CNOT6: variants seen among roughly 807,000 people sequenced by gnomAD.
The protein encoded by CNOT6 is carbon catabolite repression 4 protein.
In CNOT6, 12 loss-of-function variants were observed where a neutral mutation model predicts 61.2. The observed-to-expected ratio is 0.20, with a 90% CI of 0.13 to 0.32. The LOEUF (loss-of-function observed/expected upper bound fraction) is 0.32, where lower values mean the gene tolerates loss of function less well. Among genes scored for constraint, CNOT6 ranks in the 10% least tolerant of loss-of-function variants. The pLI is 1.00. For missense variants in CNOT6, 405 were observed against 663.9 expected, an observed-to-expected ratio of 0.61 and a Z score of 4.28; for synonymous variants, 225 against 240.6, an observed-to-expected ratio of 0.94 and a Z score of 0.60.
rs10479472 is a variant in CNOT6 at position 180,564,886 on chromosome 5, C to A, written c.559+143C>A. ...GTTTGGGAGGTAATAAAAAAGAATT[C>A]TTGCTCACATGACCTCTATGTATAC... On this transcript the variant is annotated intron_variant, in intron 6 of 11. Coordinates refer to ENST00000261951, the MANE Select transcript of CNOT6 (RefSeq NM_001370472.1). The A allele has an allele frequency of 3.5e-3, 2,258 of 652,906 alleles. 44 individuals are homozygous for A. The African/African-American group carries it at 0.038, about 11-fold the overall frequency. The allele number at this position is 652,906 out of a possible 1,614,324, so 40.4% of individuals were successfully genotyped here. A position where few individuals can be genotyped will look rare whatever the true frequency, so the allele number is the denominator to read the frequency against.
At position 180,508,576 on chromosome 5, in the gene CNOT6, C is replaced by T. The variant is rs575843370; in HGVS notation, c.-3+13813C>T. Among the ~76,000 whole-genome samples, 47 of 152,196 alleles carry T rather than the reference C, an allele frequency of 3.1e-4. No homozygotes were observed. In the South Asian group the frequency reaches 4.4e-3, roughly 14 times the overall value. On this transcript the variant is annotated intron_variant, in intron 1 of 11. Transcript: ENST00000261951. ...CCACCTGCCTCAGCCTCCCAAAGTG[C>T]TGGGATTACAGGTGTGAGCTACCAC...
At chr5:180,512,683 A>G (rs576308065) in intron 1 of CNOT6, among the ~76,000 whole-genome samples, 16 of 150,722 alleles carry the variant, frequency 1.1e-4, no homozygotes, top group Middle Eastern at 3.4e-3. Flanking sequence ...TGCAGCCTCC[A>G]CCTCCCAGGT....
chr5:180,574,312 A>T lies in CNOT6; in HGVS notation c.*112A>T. On this transcript the variant is annotated 3_prime_UTR_variant, in exon 12 of 12. Coordinates refer to ENST00000261951, the MANE Select transcript of CNOT6 (RefSeq NM_001370472.1). Reference sequence around the variant, plus strand: ...TTTTGCTTGCTTAAGAATGATTTGGACTTTCAATCTGATTATTTGATAAGG... The same window carrying T: ...TTTTGCTTGCTTAAGAATGATTTGGTCTTTCAATCTGATTATTTGATAAGG... The T allele has an allele frequency of 1.2e-6, 1 of 845,682 alleles. No individual in the cohort carries two copies. 52.4% of individuals were successfully genotyped at this position (845,682 alleles called of 1,614,324 possible).
At chr5:180,527,063 T>C (rs1270249231) in intron 1 of CNOT6, among the ~76,000 whole-genome samples, 1 of 151,920 alleles carries the variant, frequency 6.6e-6, no homozygotes, top group Non-Finnish European at 1.5e-5. Flanking sequence ...ATTTTTTTGG[T>C]AAGAGATGGG....
chr5:180,560,017 C>T (rs1215312699), intron 4 of CNOT6, among the ~76,000 whole-genome samples: 6 of 150,460 alleles, frequency 4.0e-5, no homozygotes, highest in East Asian at 3.9e-4. Flanking sequence ...GGCGCGATCT[C>T]GGCTCACTGC....
intron 11 of CNOT6, 130 bp from the exon 12 acceptor site, chr5:180,573,858 T>A: frequency 4.5e-6 from 3 of 667,768 alleles, no homozygotes; most frequent in Non-Finnish European, 8.0e-6. Context: ...ACAGACCTCA[T>A]CCTACAAGCT....
intron 1 of CNOT6, among the ~76,000 whole-genome samples, chr5:180,515,386 C>G (rs978831623): frequency 6.6e-6 from 1 of 152,140 alleles, no homozygotes; most frequent in Non-Finnish European, 1.5e-5. Context: ...AGTCTTAGAA[C>G]TAGGTTTCCT....
chr5:180,574,162 C>T lies in CNOT6; in HGVS notation c.1636C>T (p.Pro546Ser). Residue 546 changes from proline (P) to serine (S), a missense_variant, in exon 12 of 12, where the codon CCC becomes TCC. By Grantham distance (74) the Pro-to-Ser change is moderately conservative. Coordinates refer to ENST00000261951, the MANE Select transcript of CNOT6 (RefSeq NM_001370472.1). ...AQLELLLPFL[P>S]QVNGIHLPGR... ...ACTGGAGCTCTTACTGCCTTTCCTG[C>T]CCCAAGTCAACGGCATCCACCTTCC... The T allele has an allele frequency of 1.9e-6, 3 of 1,614,144 alleles. No homozygotes were observed. The highest frequency in any genetic ancestry group is 2.5e-6 in the Non-Finnish European group (3 of 1,180,022).
At chr5:180,518,243 T>G (rs1438513695) in intron 1 of CNOT6, among the ~76,000 whole-genome samples, 2 of 152,194 alleles carry the variant, frequency 1.3e-5, no homozygotes, top group East Asian at 3.9e-4. Context: ...TTCTGTATCA[T>G]GTTGACATGA....
Position 180,575,258 on chromosome 5 carries a change from G to A in CNOT6, c.*1058G>A, listed in dbSNP as rs1378029354. 1 of 152,000 alleles carries A rather than the reference G, an allele frequency of 6.6e-6. No homozygotes were observed. Among genetic ancestry groups the A allele is most frequent in the Admixed American group, 6.6e-5 (1 of 15,206 alleles). The allele number at this position is 152,000 out of a possible 1,614,324, so 9.4% of individuals were successfully genotyped here. ...GTGAGAATTTTATGAAAATGCTTTT[G>A]TATGAGCTGTGGCTTTTTCCCATTG... On this transcript the variant is annotated 3_prime_UTR_variant, in exon 12 of 12. Coordinates refer to ENST00000261951, the MANE Select transcript of CNOT6 (RefSeq NM_001370472.1).
chr5:180,498,768 AT>A (rs1272590742), intron 1 of CNOT6, among the ~76,000 whole-genome samples: 2 of 152,150 alleles, frequency 1.3e-5, no homozygotes. Flanking sequence ...ACAAGTGTAT[AT>A]TTGAGATAGT....
Position 180,536,634 on chromosome 5 carries a change from A to T in CNOT6, c.112+7246A>T, listed in dbSNP as rs1417956415. Reference sequence around the variant, plus strand: ...TTTTGTTTTGTTTTGTTTTGGAGACAGGATCTCACTTTGTCACCCAGGCTG... The same window carrying T: ...TTTTGTTTTGTTTTGTTTTGGAGACTGGATCTCACTTTGTCACCCAGGCTG... On this transcript the variant is annotated intron_variant, in intron 2 of 11. Coordinates refer to ENST00000261951, the MANE Select transcript of CNOT6 (RefSeq NM_001370472.1). Among the ~76,000 whole-genome samples the T allele has an allele frequency of 3.3e-5, 5 of 151,988 alleles. No individual in the cohort carries two copies. The South Asian group carries it at 8.3e-4, about 25-fold the overall frequency.
intron 7 of CNOT6, among the ~76,000 whole-genome samples, 182 bp from the exon 8 acceptor site, chr5:180,566,906 G>A (rs914853058): frequency 4.0e-5 from 6 of 151,722 alleles, no homozygotes; most frequent in African/African-American, 1.5e-4. Context: ...CGCCCGCCTC[G>A]GCCTCTCAAA....
At chr5:180,509,764 T>C (rs1364879149) in intron 1 of CNOT6, among the ~76,000 whole-genome samples, 2 of 151,692 alleles carry the variant, frequency 1.3e-5, no homozygotes, top group African/African-American at 4.8e-5. Context: ...CTGCCCAGTC[T>C]GGAACTCCTG....
intron 9 of CNOT6, among the ~76,000 whole-genome samples, chr5:180,568,605 A>G (rs1206830063): frequency 6.6e-6 from 1 of 151,962 alleles, no homozygotes; most frequent in Non-Finnish European, 1.5e-5. Context: ...AATTATTTTA[A>G]AGGTCTTGAG....
rs1761041547 is a variant in CNOT6, at chr5:180,577,165, G to GTT, written c.*2966_*2967insTT. 1 of 145,790 alleles carries GTT rather than the reference G, an allele frequency of 6.9e-6. No homozygotes were observed. The highest frequency in any genetic ancestry group is 1.5e-5 in the Non-Finnish European group (1 of 65,498). 9.0% of individuals were successfully genotyped at this position (145,790 alleles called of 1,614,324 possible). On this transcript the variant is annotated 3_prime_UTR_variant, in exon 12 of 12. Transcript: ENST00000261951. ...ATAGGCAGAGAACATCTCCAGAAAT[G>GTT]TGTGTGTGTGTGTGTGTGTGTGTGT...
intron 2 of CNOT6, among the ~76,000 whole-genome samples, chr5:180,530,250 G>A (rs887280749): frequency 3.9e-5 from 6 of 152,188 alleles, no homozygotes; most frequent in Non-Finnish European, 7.3e-5. Flanking sequence ...TATGCTGTGT[G>A]TAAAACATTT....
Position 180,574,165 on chromosome 5 carries a change from C to G in CNOT6, c.1639C>G (p.Gln547Glu), listed in dbSNP as rs746498654. The G allele has an allele frequency of 6.2e-7, 1 of 1,614,096 alleles. No homozygotes were observed. The highest frequency in any genetic ancestry group is 8.5e-7 in the Non-Finnish European group (1 of 1,180,014). ...GGAGCTCTTACTGCCTTTCCTGCCC[C>G]AAGTCAACGGCATCCACCTTCCTGG... is the stretch of plus-strand genomic sequence containing the variant. ...QLELLLPFLP[Q>E]VNGIHLPGRR The change falls in exon 12 of 12, where the codon CAA becomes GAA. Residue 547 changes from glutamine to glutamate, a missense_variant. By Grantham distance (29) the Gln-to-Glu change is conservative (BLOSUM62 2). This residue lies in a region of CNOT6 where 52 missense variants were observed against 69.3 expected (regional missense o/e 0.75). Transcript: ENST00000261951.
chr5:180,569,101 C>G lies in CNOT6; in HGVS notation c.1028-9C>G. On this transcript the variant is annotated splice_polypyrimidine_tract_variant and intron_variant, in intron 9 of 11. Coordinates refer to ENST00000261951, the MANE Select transcript of CNOT6 (RefSeq NM_001370472.1). ...GTCTCTTTCTTTGTTTCGTTTTTAT[C>G]TAATGTAGCCGGAAAGCCACATCTT... 6.2e-7 allele frequency: 1 copy of G among 1,600,978 alleles called. No homozygotes were observed. Among genetic ancestry groups the G allele is most frequent in the South Asian group, 1.1e-5 (1 of 90,388 alleles).
Sources: allele counts gnomAD v4.1 joint callset (sites outside exome capture counted in the v4.1 genomes callset), GRCh38; gene constraint gnomAD v4.1.1; regional missense constraint gnomAD v4.1.1; transcripts MANE v1.5; gene names NCBI Gene and HGNC (gene_info 2026-07-23, HGNC 2026-07-21).